Variants in SULT2B1 observed in about 807,000 individuals in gnomAD.
SULT2B1 encodes sulfotransferase family 2B member 1.
Under a neutral mutation model 33.2 loss-of-function variants are expected in SULT2B1, and 16 were observed. The ratio of observed to expected loss-of-function variants is 0.48; its 90% CI spans 0.33 to 0.73. The LOEUF (loss-of-function observed/expected upper bound fraction) is 0.73, where lower values mean the gene tolerates loss of function less well. Among genes scored for constraint, SULT2B1 ranks in the 30% least tolerant of loss-of-function variants. The probability of loss-of-function intolerance (pLI) is 0.02; values close to 1 mark genes in which losing one functional copy is unlikely to be tolerated. For synonymous variants in SULT2B1, 186 were observed against 200.5 expected, an observed-to-expected ratio of 0.93 and a Z score of 0.61; for missense variants, 500 against 506.0, an observed-to-expected ratio of 0.99 and a Z score of 0.11.
chr19:48,561,658 C>T (rs972729254), intron 1 of SULT2B1, among the ~76,000 whole-genome samples: 1 of 152,090 alleles, frequency 6.6e-6, no homozygotes, highest in Admixed American at 6.6e-5. Flanking sequence ...GAGAACGGAA[C>T]ACTGGCAGCC....
At chr19:48,581,590 TG>T (rs1973488919) in intron 2 of SULT2B1, among the ~76,000 whole-genome samples, 1 of 149,922 alleles carries the variant, frequency 6.7e-6, no homozygotes. Flanking sequence ...CCCGAGTAGC[TG>T]GGACTACAGG....
intron 1 of SULT2B1, among the ~76,000 whole-genome samples, chr19:48,574,485 C>T (rs899677406): frequency 2.6e-5 from 4 of 152,206 alleles, no homozygotes; most frequent in Non-Finnish European, 4.4e-5. Context: ...TTCTTGTTGG[C>T]ATCTGGGTTT....
At chr19:48,576,359 C>CTTTTCTTTCTTTGTTTTTTTTTTTT in intron 2 of SULT2B1, among the ~76,000 whole-genome samples, 2 of 96,712 alleles carry the variant, frequency 2.1e-5, no homozygotes, top group South Asian at 6.8e-4. Context: ...CTCTACTTCT[C>CTTTTCTTTCTTTGTTTTTTTTTTTT]TTTTTTTTTT....
At chr19:48,579,337 C>T (rs1338501581) in intron 2 of SULT2B1, among the ~76,000 whole-genome samples, 3 of 146,116 alleles carry the variant, frequency 2.1e-5, no homozygotes, top group Non-Finnish European at 4.5e-5. Context: ...GGCTGGAGTG[C>T]AGTGGCGTGA....
chr19:48,561,408 A>G (rs1028326066), intron 1 of SULT2B1, among the ~76,000 whole-genome samples: 2 of 152,158 alleles, frequency 1.3e-5, no homozygotes, highest in Non-Finnish European at 2.9e-5. Flanking sequence ...CAGCCTGGGC[A>G]ACAAGAGTGA....
At chr19:48,581,735 G>C (rs1973491200) in intron 2 of SULT2B1, among the ~76,000 whole-genome samples, 1 of 151,860 alleles carries the variant, frequency 6.6e-6, no homozygotes, top group African/African-American at 2.4e-5. Context: ...GGGATTACAG[G>C]CGTGAGCCAC....
rs372320230 is a variant in SULT2B1 at position 48,552,543 on chromosome 19, G to A, written c.71+220G>A. ...CCGACCGTGTTGAGTCACCAGTGGG[G>A]ATGCCTGGGGTGTCCCTGTCGCTCT... On this transcript the variant is annotated intron_variant, in intron 1 of 6. Transcript: ENST00000201586. The surrounding 1 kb of genome is among the most constrained non-coding windows in gnomAD (Gnocchi z 4.8). Among the ~76,000 whole-genome samples the A allele has an allele frequency of 6.6e-5, 10 of 152,294 alleles. No individual in the cohort carries two copies. Among genetic ancestry groups the A allele is most frequent in the African/African-American group, 2.4e-4 (10 of 41,570 alleles).
At chr19:48,594,693 A>G (rs1973687186) in intron 5 of SULT2B1, among the ~76,000 whole-genome samples, 1 of 152,206 alleles carries the variant, frequency 6.6e-6, no homozygotes, top group Non-Finnish European at 1.5e-5. Context: ...GGAGCTGACC[A>G]GAGGGCTGAC....
chr19:48,576,359 C>CTTTTCTTTTCTTTTTTTTTTTTTTTT, intron 2 of SULT2B1, among the ~76,000 whole-genome samples: 2 of 96,716 alleles, frequency 2.1e-5, no homozygotes, highest in African/African-American at 8.6e-5. Flanking sequence ...CTCTACTTCT[C>CTTTTCTTTTCTTTTTTTTTTTTTTTT]TTTTTTTTTT....
At chr19:48,574,649 G>A (rs1973379110) in intron 1 of SULT2B1, among the ~76,000 whole-genome samples, 2 of 152,152 alleles carry the variant, frequency 1.3e-5, no homozygotes, top group Non-Finnish European at 2.9e-5. Context: ...CCCCAAGTAG[G>A]ATTAAAACCT....
intron 2 of SULT2B1, among the ~76,000 whole-genome samples, chr19:48,576,909 G>C (rs1973419846): frequency 6.6e-6 from 1 of 151,816 alleles, no homozygotes; most frequent in South Asian, 2.1e-4. Context: ...CCAAAGTGCT[G>C]GGATTACAGG....
chr19:48,589,307 G>A (rs1404379143), intron 3 of SULT2B1, among the ~76,000 whole-genome samples: 2 of 151,170 alleles, frequency 1.3e-5, no homozygotes, highest in Non-Finnish European at 3.0e-5. Flanking sequence ...GGGCAACTGG[G>A]AAGGGGAGGA....
chr19:48,587,831 T>C (rs747122334), intron 3 of SULT2B1, among the ~76,000 whole-genome samples: 4 of 132,368 alleles, frequency 3.0e-5, no homozygotes, highest in Non-Finnish European at 6.1e-5. Context: ...AGGTCAAGGC[T>C]GCACTGAGCT....
chr19:48,582,264 TTAAAC>T (rs1190737138), intron 2 of SULT2B1, among the ~76,000 whole-genome samples: 2 of 152,300 alleles, frequency 1.3e-5, no homozygotes, highest in South Asian at 2.1e-4. Context: ...TCTTGGAACT[TTAAAC>T]AAATAAGTTT....
At chr19:48,586,810 T>C (rs1358699551) in intron 2 of SULT2B1, among the ~76,000 whole-genome samples, 3 of 152,114 alleles carry the variant, frequency 2.0e-5, no homozygotes, top group Non-Finnish European at 4.4e-5. Context: ...GGTGGTAAAT[T>C]GCTCAATAAA....
chr19:48,589,332 C>A (rs1376419948), intron 3 of SULT2B1, among the ~76,000 whole-genome samples: 9 of 135,394 alleles, frequency 6.6e-5, no homozygotes, highest in Admixed American at 3.2e-4. Context: ...GGGGAGCAGG[C>A]GGGGGAGGAA....
intron 1 of SULT2B1, among the ~76,000 whole-genome samples, chr19:48,555,556 C>G (rs1446164789): frequency 1.1e-5 from 1 of 88,142 alleles, no homozygotes; most frequent in Non-Finnish European, 2.7e-5. Flanking sequence ...CATCCTCTCT[C>G]TCTCTCTCTC....
chr19:48,576,725 G>C (rs1434294432), intron 2 of SULT2B1, among the ~76,000 whole-genome samples: 2 of 141,014 alleles, frequency 1.4e-5, no homozygotes, highest in Non-Finnish European at 3.0e-5. Context: ...TTTCAGCCTT[G>C]ACCTCCTGGA....
intron 1 of SULT2B1, among the ~76,000 whole-genome samples, chr19:48,555,115 G>T (rs143243812): frequency 6.7e-6 from 1 of 149,984 alleles, no homozygotes; most frequent in Non-Finnish European, 1.5e-5. Flanking sequence ...TTTTTGAGAC[G>T]GAGTCTCACT....
Sources: allele counts gnomAD v4.1 joint callset (sites outside exome capture counted in the v4.1 genomes callset), GRCh38; gene constraint gnomAD v4.1.1; non-coding constraint Gnocchi (gnomAD v3.1); transcripts MANE v1.5; gene names NCBI Gene and HGNC (gene_info 2026-07-23, HGNC 2026-07-21).